The following LRRC4C variants were observed in gnomAD, a reference collection of about 807,000 sequenced individuals.
The protein encoded by LRRC4C is leucine rich repeat containing 4C.
In LRRC4C, 5 loss-of-function variants were observed where a neutral mutation model predicts 33.6. That is an observed-to-expected ratio of 0.15 (90% CI 0.08 to 0.31). The LOEUF (loss-of-function observed/expected upper bound fraction) is 0.31, where lower values mean the gene tolerates loss of function less well. Among genes scored for constraint, LRRC4C ranks in the 10% least tolerant of loss-of-function variants. The pLI, the probability that LRRC4C is intolerant of heterozygous loss-of-function variation, is 1.00. For missense variants in LRRC4C, 560 were observed against 796.7 expected (o/e 0.70, Z 3.58); for synonymous variants, 329 against 302.0 (o/e 1.09, Z -0.93).
At chr11:40,824,000 C>T (rs7945749) in intron 2 of LRRC4C, among the ~76,000 whole-genome samples, 139,019 of 151,996 alleles carry the variant, frequency 0.91, 63,725 homozygotes, top group East Asian at 1. Flanking sequence ...GTTAGATGGA[C>T]GGAACTCAAA....
chr11:40,166,600 T>TA (rs1859616681), intron 5 of LRRC4C, among the ~76,000 whole-genome samples: 1 of 152,134 alleles, frequency 6.6e-6, no homozygotes, highest in Non-Finnish European at 1.5e-5. Flanking sequence ...ATAAATATAA[T>TA]TTTTTAAAGC....
intron 3 of LRRC4C, among the ~76,000 whole-genome samples, chr11:40,464,994 C>A (rs761759230): frequency 2.0e-5 from 3 of 151,888 alleles, no homozygotes; most frequent in African/African-American, 4.8e-5. Context: ...CAAAAAAGCA[C>A]CTGAACAGCC....
At chr11:40,612,662 G>T (rs772871324) in intron 3 of LRRC4C, among the ~76,000 whole-genome samples, 1 of 151,666 alleles carries the variant, frequency 6.6e-6, no homozygotes, top group Non-Finnish European at 1.5e-5. Flanking sequence ...TTAAAGATTC[G>T]TGGTCTGCAT....
At chr11:40,481,132 AG>A (rs1033470718) in intron 3 of LRRC4C, among the ~76,000 whole-genome samples, 1 of 152,048 alleles carries the variant, frequency 6.6e-6, no homozygotes, top group African/African-American at 2.4e-5. Context: ...TCCAACACAA[AG>A]GAAGCACTCA....
chr11:40,852,087 A>G (rs59361705), intron 2 of LRRC4C, among the ~76,000 whole-genome samples: 4,524 of 151,862 alleles, frequency 0.03, 238 homozygotes, highest in African/African-American at 0.1. Flanking sequence ...TCAGCCTCCC[A>G]AAGTGCTGGG....
At chr11:40,209,618 C>A (rs905586685) in intron 5 of LRRC4C, among the ~76,000 whole-genome samples, 10 of 152,074 alleles carry the variant, frequency 6.6e-5, no homozygotes, top group African/African-American at 4.8e-5. Flanking sequence ...TCTCGGCTCA[C>A]GGCAACCTCT....
At chr11:40,624,749 T>C (rs1962774118) in intron 3 of LRRC4C, among the ~76,000 whole-genome samples, 1 of 152,142 alleles carries the variant, frequency 6.6e-6, no homozygotes. Context: ...TTTACAATTA[T>C]AGCATAATAG....
chr11:41,401,681 G>A (rs1242051460), intron 1 of LRRC4C, among the ~76,000 whole-genome samples: 2 of 151,886 alleles, frequency 1.3e-5, no homozygotes, highest in Non-Finnish European at 2.9e-5. Flanking sequence ...TACTAGCTGT[G>A]AAATTTTGGA....
chr11:41,193,028 T>G (rs565833628), intron 1 of LRRC4C, among the ~76,000 whole-genome samples: 1 of 152,206 alleles, frequency 6.6e-6, no homozygotes, highest in African/African-American at 2.4e-5. Context: ...AGGGATAGTC[T>G]AACACTATTG....
At chr11:40,803,044 A>C (rs1049432963) in intron 2 of LRRC4C, among the ~76,000 whole-genome samples, 2 of 152,190 alleles carry the variant, frequency 1.3e-5, no homozygotes, top group African/African-American at 4.8e-5. Flanking sequence ...ATGGATCACT[A>C]TCTGCAAAAT....
intron 1 of LRRC4C, among the ~76,000 whole-genome samples, chr11:41,199,976 G>A (rs1384803381): frequency 6.6e-6 from 1 of 152,036 alleles, no homozygotes; most frequent in African/African-American, 2.4e-5. Context: ...TACAGCTCGT[G>A]AGCCTAAATC....
chr11:40,891,918 G>A (rs919061674), intron 2 of LRRC4C, among the ~76,000 whole-genome samples: 4 of 151,964 alleles, frequency 2.6e-5, no homozygotes, highest in Non-Finnish European at 4.4e-5. Context: ...GGTGTATCAC[G>A]AGTTCAGGAG....
At chr11:40,434,524 G>C (rs1449670240) in intron 3 of LRRC4C, among the ~76,000 whole-genome samples, 1 of 152,140 alleles carries the variant, frequency 6.6e-6, no homozygotes, top group African/African-American at 2.4e-5. Context: ...ACAGTCTTTC[G>C]GGAAGACTAA....
At chr11:40,439,249 C>T (rs1951282498) in intron 3 of LRRC4C, among the ~76,000 whole-genome samples, 2 of 150,534 alleles carry the variant, frequency 1.3e-5, no homozygotes, top group Middle Eastern at 3.5e-3. Context: ...CTATAAGTTG[C>T]TACTTTTTTA....
At chr11:40,504,267 A>T (rs1394920272) in intron 3 of LRRC4C, among the ~76,000 whole-genome samples, 1 of 152,174 alleles carries the variant, frequency 6.6e-6, no homozygotes, top group African/African-American at 2.4e-5. Context: ...AAAGAATATA[A>T]CTTTTGTGAG....
intron 3 of LRRC4C, among the ~76,000 whole-genome samples, chr11:40,496,613 A>G (rs1954473234): frequency 6.6e-6 from 1 of 152,098 alleles, no homozygotes; most frequent in Non-Finnish European, 1.5e-5. Flanking sequence ...AAAGGATCCC[A>G]ATTTATGGTT....
intron 2 of LRRC4C, among the ~76,000 whole-genome samples, chr11:40,808,944 CT>C (rs1370322232): frequency 2.0e-5 from 3 of 152,080 alleles, no homozygotes; most frequent in African/African-American, 4.8e-5. Flanking sequence ...ACTTATTTGT[CT>C]TTTTAATCAC....
chr11:40,797,373 A>G (rs1311500344), intron 2 of LRRC4C, among the ~76,000 whole-genome samples: 2 of 152,134 alleles, frequency 1.3e-5, no homozygotes, highest in African/African-American at 4.8e-5. Flanking sequence ...AAATTAAGGC[A>G]AGATCCTGGA....
chr11:40,418,686 A>G (rs1193285739), intron 3 of LRRC4C, among the ~76,000 whole-genome samples: 1 of 152,202 alleles, frequency 6.6e-6, no homozygotes, highest in Non-Finnish European at 1.5e-5. Context: ...CACTATTCAC[A>G]ATAGCGAAGG....
Sources: allele counts gnomAD v4.1 joint callset (sites outside exome capture counted in the v4.1 genomes callset), GRCh38; gene constraint gnomAD v4.1.1; transcripts MANE v1.5; gene names NCBI Gene and HGNC (gene_info 2026-07-23, HGNC 2026-07-21).